MALRD1: variants seen among roughly 807,000 people sequenced by gnomAD.
MALRD1 encodes the protein MAM and LDL-receptor class A domain-containing protein 1.
In MALRD1, 247 loss-of-function variants were observed where a neutral mutation model predicts 242.1. The ratio of observed to expected loss-of-function variants is 1.02; its 90% confidence interval spans 0.92 to 1.13. The LOEUF (loss-of-function observed/expected upper bound fraction) is 1.13. Ranked by LOEUF, MALRD1 falls within the 50% of genes most tolerant of loss-of-function variation. The probability of loss-of-function intolerance (pLI) is 0.00; values close to 1 mark genes in which losing one functional copy is unlikely to be tolerated. For synonymous variants in MALRD1, 995 were observed against 866.6 expected (o/e 1.15, Z -2.60); for missense variants, 2,989 against 2,533.1 (o/e 1.18, Z -3.86).
intron 38 of MALRD1, among the ~76,000 whole-genome samples, chr10:19,725,237 G>C (rs1050252319): frequency 1.3e-5 from 2 of 152,136 alleles, no homozygotes; most frequent in African/African-American, 4.8e-5. Context: ...CCGTGGGAGG[G>C]ACCTAGTGGG....
chr10:19,170,375 C>G (rs900508486), intron 13 of MALRD1, among the ~76,000 whole-genome samples: 3 of 152,126 alleles, frequency 2.0e-5, no homozygotes, highest in Non-Finnish European at 4.4e-5. Flanking sequence ...TCAAGTTGCT[C>G]TACTTTCTTC....
chr10:19,249,703 C>G (rs778832193), intron 18 of MALRD1, among the ~76,000 whole-genome samples: 6 of 151,858 alleles, frequency 4.0e-5, no homozygotes, highest in Non-Finnish European at 8.8e-5. Context: ...AAGAAAATAG[C>G]CTTAGCTTGA....
intron 19 of MALRD1, among the ~76,000 whole-genome samples, chr10:19,276,930 G>T (rs1418429897): frequency 1.3e-5 from 2 of 151,498 alleles, no homozygotes. Context: ...TTTGGGTTGG[G>T]GGGTGGGAAG....
At position 19,327,690 on chromosome 10, in the gene MALRD1, G is replaced by C. The variant is rs1388643248; in HGVS notation, c.3687+17G>C. ...CATACACAGGTGTGTAATACAGGTA[G>C]TTATGGGGTGAGTGAGTTCTGCTGA... On this transcript the variant is annotated intron_variant, in intron 23 of 39. Transcript: ENST00000454679. 3 of 1,522,556 alleles carry C rather than the reference G, an allele frequency of 2.0e-6. No individual in the cohort carries two copies. Among genetic ancestry groups the C allele is most frequent in the Non-Finnish European group, 1.8e-6 (2 of 1,122,698 alleles). The allele number at this position is 1,522,556 out of a possible 1,614,324, so 94.3% of individuals were successfully genotyped here.
At chr10:19,051,960 C>CAAATATA (rs1834519495) in intron 1 of MALRD1, 1 of 189,724 alleles carries the variant, frequency 5.3e-6, no homozygotes, top group South Asian at 8.2e-5. Flanking sequence ...AAAGGAAAGC[C>CAAATATA]AAATATACAG....
At chr10:19,214,850 T>C (rs1255736768) in intron 18 of MALRD1, among the ~76,000 whole-genome samples, 7 of 152,156 alleles carry the variant, frequency 4.6e-5, no homozygotes. Flanking sequence ...TGCCTTTGCT[T>C]GATGAGAGGA....
intron 5 of MALRD1, among the ~76,000 whole-genome samples, chr10:19,108,300 T>C (rs960129402): frequency 1.3e-5 from 2 of 152,020 alleles, no homozygotes; most frequent in African/African-American, 4.8e-5. Flanking sequence ...TTTTGTTTCA[T>C]TTGTTGATAT....
intron 33 of MALRD1, among the ~76,000 whole-genome samples, chr10:19,577,286 A>C (rs993534140): frequency 6.6e-6 from 1 of 152,180 alleles, no homozygotes; most frequent in Non-Finnish European, 1.5e-5. Flanking sequence ...TAAATCTATT[A>C]TTGTGGGTCA....
chr10:19,216,949 A>AT (rs1165535035), intron 18 of MALRD1, among the ~76,000 whole-genome samples: 7 of 117,306 alleles, frequency 6.0e-5, no homozygotes, highest in South Asian at 2.4e-4. Flanking sequence ...CCGTCTCAAA[A>AT]AAAAAAAAAT....
intron 19 of MALRD1, among the ~76,000 whole-genome samples, chr10:19,263,632 A>C (rs1242215007): frequency 6.6e-6 from 1 of 152,128 alleles, no homozygotes; most frequent in Non-Finnish European, 1.5e-5. Context: ...ATAAGAGCCC[A>C]ATTTCATTTT....
chr10:19,732,553 G>A (rs142282205), intron 39 of MALRD1, among the ~76,000 whole-genome samples: 36 of 152,286 alleles, frequency 2.4e-4, no homozygotes, highest in Admixed American at 7.2e-4. Flanking sequence ...GTGAGCCACT[G>A]TACCTGGCCA....
intron 24 of MALRD1, among the ~76,000 whole-genome samples, chr10:19,341,197 A>T (rs898692521): frequency 3.3e-5 from 5 of 151,934 alleles, no homozygotes; most frequent in Non-Finnish European, 7.4e-5. Flanking sequence ...ATTCAAGTCA[A>T]CACATAGTTC....
At chr10:19,059,961 A>G (rs770123627) in intron 1 of MALRD1, among the ~76,000 whole-genome samples, 1 of 152,164 alleles carries the variant, frequency 6.6e-6, no homozygotes, top group Non-Finnish European at 1.5e-5. Flanking sequence ...AAGTAAAGTA[A>G]TTTGTCAAAG....
At chr10:19,345,324 G>A (rs1189133275) in intron 24 of MALRD1, among the ~76,000 whole-genome samples, 1 of 152,096 alleles carries the variant, frequency 6.6e-6, no homozygotes. Flanking sequence ...TCTAGATGCT[G>A]CTCTATATGC....
intron 39 of MALRD1, among the ~76,000 whole-genome samples, chr10:19,732,243 T>C (rs117446811): frequency 0.024 from 3,628 of 152,300 alleles, 85 homozygotes; most frequent in East Asian, 0.12. Context: ...TTTTCATTTT[T>C]ACTGGAGAAA....
chr10:19,431,340 TTAGTA>T (rs148076224), intron 28 of MALRD1, among the ~76,000 whole-genome samples: 8,988 of 152,204 alleles, frequency 0.059, 310 homozygotes, highest in African/African-American at 0.095. Context: ...TTCTAATTCA[TTAGTA>T]TAGTTTGAGA....
intron 13 of MALRD1, 45 bp from the exon 14 acceptor site, chr10:19,175,163 C>G: frequency 3.4e-6 from 4 of 1,178,296 alleles, no homozygotes; most frequent in African/African-American, 1.6e-5. Flanking sequence ...TAAGACATTA[C>G]TTTTGTGATG....
At chr10:19,586,464 G>T (rs1233782014) in intron 33 of MALRD1, among the ~76,000 whole-genome samples, 1 of 152,150 alleles carries the variant, frequency 6.6e-6, no homozygotes, top group African/African-American at 2.4e-5. Context: ...CTCAGCTGCA[G>T]GTCTGTTGGA....
rs564799257 is a variant in MALRD1, at chr10:19,628,632, TAGA to T, written c.6137+12713_6137+12715del. Among the ~76,000 whole-genome samples, 744 of 152,246 alleles carry T rather than the reference TAGA, an allele frequency of 4.9e-3. 5 individuals carry two copies. Among genetic ancestry groups the T allele is most frequent in the Non-Finnish European group, 4.9e-3 (332 of 67,998 alleles). On this transcript the variant is annotated intron_variant, in intron 36 of 39. Coordinates refer to ENST00000454679, the MANE Select transcript of MALRD1 (RefSeq NM_001142308.3). Reference sequence around the variant, plus strand: ...TGTTAAGAATAGTTAGTGAGCTCTGTAGAAGATTGGCTTGGGGGAAAGAGAGAT... The same window carrying T: ...TGTTAAGAATAGTTAGTGAGCTCTGTAGATTGGCTTGGGGGAAAGAGAGAT...
Sources: allele counts gnomAD v4.1 joint callset (sites outside exome capture counted in the v4.1 genomes callset), GRCh38; gene constraint gnomAD v4.1.1; transcripts MANE v1.5; gene names NCBI Gene and HGNC (gene_info 2026-07-23, HGNC 2026-07-21).